SGSM1: variants seen among roughly 807,000 people sequenced by gnomAD.
SGSM1 encodes RUN and TBC1 domain containing 2.
SGSM1 carries 73 observed loss-of-function variants against 133.8 expected under a neutral mutation model. The ratio of observed to expected loss-of-function variants is 0.55; its 90% CI spans 0.45 to 0.66. The LOEUF is 0.66. Among genes scored for constraint, SGSM1 ranks in the 30% least tolerant of loss-of-function variants. SGSM1 has a pLI of 0.00. For missense variants in SGSM1, 1,213 were observed against 1,448.1 expected (o/e 0.84, Z 2.64); for synonymous variants, 563 against 573.0 (o/e 0.98, Z 0.25).
chr22:24,897,706 C>T (rs1000499741), intron 18 of SGSM1, among the ~76,000 whole-genome samples: 1 of 152,220 alleles, frequency 6.6e-6, no homozygotes, highest in Non-Finnish European at 1.5e-5. Context: ...TGGGTTCAAG[C>T]AGTCCACCTG....
intron 4 of SGSM1, 105 bp downstream of exon 4, chr22:24,847,901 C>G: frequency 1.4e-6 from 2 of 1,419,036 alleles, no homozygotes; most frequent in Non-Finnish European, 1.9e-6. Context: ...TTTTCAGTCT[C>G]CATCCTGCTT....
At chr22:24,823,890 A>G (rs569140180) in intron 2 of SGSM1, among the ~76,000 whole-genome samples, 84 of 152,358 alleles carry the variant, frequency 5.5e-4, no homozygotes, top group African/African-American at 2.0e-3. Flanking sequence ...AGCCTGGGCA[A>G]CACACTCTGT....
chr22:24,844,752 G>A, intron 2 of SGSM1, 145 bp from the exon 3 acceptor site: 1 of 607,666 alleles, frequency 1.6e-6, no homozygotes, highest in Middle Eastern at 4.5e-4. Flanking sequence ...GACAAGGCGA[G>A]GAGGGGGAAG....
In SGSM1 at chr22:24,861,923, G is replaced by A. The variant is rs12628132; in HGVS notation, c.926+2083G>A. Among the ~76,000 whole-genome samples, 40 of 151,150 alleles carry A rather than the reference G, an allele frequency of 2.6e-4. No homozygotes were observed. The East Asian group carries it at 7.6e-3, about 29-fold the overall frequency. ...GGCTTCAAGTGAGTCTCCCACCTCG[G>A]CTTCCCAGAGTCTAGAGTTTCTTTC... is the stretch of plus-strand genomic sequence containing the variant. On this transcript the variant is annotated intron_variant, in intron 9 of 24. Coordinates refer to ENST00000400358, the MANE Select transcript of SGSM1 (RefSeq NM_001098497.3).
chr22:24,842,804 T>A (rs1026185735), intron 2 of SGSM1, among the ~76,000 whole-genome samples: 2 of 152,204 alleles, frequency 1.3e-5, no homozygotes, highest in Admixed American at 1.3e-4. Flanking sequence ...CAGCCGACAT[T>A]TATTTGCAGC....
chr22:24,847,568 C>T, intron 3 of SGSM1, 66 bp from the exon 4 acceptor site: 1 of 1,559,126 alleles, frequency 6.4e-7, no homozygotes. Context: ...GACAGAAGCT[C>T]TGGGACATGC....
intron 9 of SGSM1, among the ~76,000 whole-genome samples, chr22:24,860,922 A>ATATATATATATAT (rs34462953): frequency 2.7e-5 from 1 of 37,598 alleles, no homozygotes; most frequent in African/African-American, 1.5e-4. Flanking sequence ...AAAAAAAAAA[A>ATATATATATATAT]ATATATATAT....
At chr22:24,840,988 C>G (rs1280133989) in intron 2 of SGSM1, among the ~76,000 whole-genome samples, 1 of 151,990 alleles carries the variant, frequency 6.6e-6, no homozygotes, top group Non-Finnish European at 1.5e-5. Flanking sequence ...GTAGCTGGGA[C>G]TACAGGCGCC....
Position 24,850,443 on chromosome 22 carries a change from A to G in SGSM1, c.455+11A>G. 6.2e-7 allele frequency: 1 copy of G among 1,613,520 alleles called. No homozygotes were observed. Among genetic ancestry groups the G allele is most frequent in the Non-Finnish European group, 8.5e-7 (1 of 1,179,586 alleles). ...TGTGGAAAACAGCAGGTGAGAGGGA[A>G]AGACCTGACACCTGGCCATGCTCTG... On this transcript the variant is annotated intron_variant, in intron 5 of 24. Coordinates refer to ENST00000400358, the MANE Select transcript of SGSM1 (RefSeq NM_001098497.3).
intron 8 of SGSM1, among the ~76,000 whole-genome samples, chr22:24,856,950 A>G (rs1930831292): frequency 6.6e-6 from 1 of 151,658 alleles, no homozygotes; most frequent in Admixed American, 6.6e-5. Flanking sequence ...TTGTATTTTT[A>G]GTAGAGATGG....
chr22:24,847,965 T>G (rs929515000), intron 4 of SGSM1, among the ~76,000 whole-genome samples, 169 bp downstream of exon 4: 1 of 150,392 alleles, frequency 6.6e-6, no homozygotes, highest in Non-Finnish European at 1.5e-5. Flanking sequence ...TGCCTCACCC[T>G]CCACCAGACT....
chr22:24,895,346 G>A (rs1466378794), intron 18 of SGSM1, 55 bp downstream of exon 18: 8 of 1,559,216 alleles, frequency 5.1e-6, no homozygotes, highest in Non-Finnish European at 7.0e-6. Flanking sequence ...TTCTGCCTGG[G>A]GTCATGGGGG....
intron 23 of SGSM1, among the ~76,000 whole-genome samples, chr22:24,918,464 C>A (rs1260136865): frequency 1.4e-5 from 2 of 146,774 alleles, no homozygotes; most frequent in African/African-American, 5.1e-5. Context: ...CCATTGCACT[C>A]TAGCCTGGGT....
At chr22:24,841,126 A>G (rs1269303890) in intron 2 of SGSM1, among the ~76,000 whole-genome samples, 1 of 152,236 alleles carries the variant, frequency 6.6e-6, no homozygotes, top group East Asian at 1.9e-4. Context: ...CTGGGATTAC[A>G]GGCGTGAGCC....
chr22:24,887,459 T>G (rs1932681651), intron 16 of SGSM1, among the ~76,000 whole-genome samples: 1 of 152,204 alleles, frequency 6.6e-6, no homozygotes. Flanking sequence ...CTGAGTAGTA[T>G]TCCATGATGT....
rs181549098 is a variant in SGSM1, at chr22:24,816,972, C to A, written c.63+10488C>A. ...TGTGGGTCACTTGCTTCTTTTGTGC[C>A]AGTCACAGTGGGATGGATTGCTCCA... On this transcript the variant is annotated intron_variant, in intron 2 of 24. Coordinates refer to ENST00000400358, the MANE Select transcript of SGSM1 (RefSeq NM_001098497.3). 2.0e-3 allele frequency among the ~76,000 whole-genome samples: 310 copies of A among 152,232 alleles called. 3 individuals carry two copies. Among genetic ancestry groups the A allele is most frequent in the African/African-American group, 7.1e-3 (296 of 41,544 alleles).
At chr22:24,827,308 C>T (rs1415901742) in intron 2 of SGSM1, among the ~76,000 whole-genome samples, 1 of 151,844 alleles carries the variant, frequency 6.6e-6, no homozygotes, top group African/African-American at 2.4e-5. Context: ...GGTTTCCCTG[C>T]CTGGAATTAG....
chr22:24,855,203 G>T, intron 6 of SGSM1, 82 bp from the exon 7 acceptor site: 1 of 1,553,458 alleles, frequency 6.4e-7, no homozygotes, highest in Non-Finnish European at 8.7e-7. Context: ...GGGGAGGGTA[G>T]TGAGATGGGC....
rs1478452514 is a variant in SGSM1 at position 24,908,813 on chromosome 22, AAG to A, written c.2818+3628_2818+3629del. On this transcript the variant is annotated intron_variant, in intron 21 of 24. Transcript: ENST00000400358. ...CGAGACTCCATCTCAAAAAAAAAAA[AAG>A]AAAGAAAGACAACCTGATTAAAGTG... Among the ~76,000 whole-genome samples the A allele has an allele frequency of 7.8e-3, 1,174 of 151,422 alleles. 18 individuals are homozygous for A. Among genetic ancestry groups the A allele is most frequent in the African/African-American group, 0.027 (1,117 of 41,310 alleles).
Sources: gnomAD v4.1 joint callset for allele counts (sites outside exome capture counted in the v4.1 genomes callset) on GRCh38, gnomAD v4.1.1 for gene constraint, MANE v1.5 for transcripts, NCBI Gene and HGNC (gene_info 2026-07-23, HGNC 2026-07-21) for gene names.